Variants in ADGRB3 observed in about 807,000 individuals in gnomAD.
The protein encoded by ADGRB3 is brain-specific angiogenesis inhibitor 3.
ADGRB3 carries 37 observed loss-of-function variants against 193.4 expected under a neutral mutation model. The observed-to-expected ratio is 0.19, with a 90% confidence interval of 0.15 to 0.25. The LOEUF (loss-of-function observed/expected upper bound fraction) is 0.25. ADGRB3 is among the 10% of genes least tolerant of loss of function. The probability of loss-of-function intolerance (pLI) is 1.00; values close to 1 mark genes in which losing one functional copy is unlikely to be tolerated. For missense variants in ADGRB3, 1,637 were observed against 1,852.9 expected (o/e 0.88, Z 2.14); for synonymous variants, 690 against 644.2 (o/e 1.07, Z -1.08).
At chr6:69,317,256 G>A (rs777192770) in intron 20 of ADGRB3, among the ~76,000 whole-genome samples, 5 of 151,456 alleles carry the variant, frequency 3.3e-5, no homozygotes, top group Non-Finnish European at 7.4e-5. Context: ...CAGTATATGA[G>A]AGTTTTTTCC....
chr6:68,820,652 G>A (rs949382315), intron 3 of ADGRB3, among the ~76,000 whole-genome samples: 4 of 151,618 alleles, frequency 2.6e-5, no homozygotes, highest in Non-Finnish European at 4.4e-5. Context: ...TCCCTCCACC[G>A]TCCTTCCCAG....
intron 3 of ADGRB3, among the ~76,000 whole-genome samples, chr6:68,819,293 T>C (rs890960307): frequency 2.0e-5 from 3 of 151,976 alleles, no homozygotes; most frequent in Non-Finnish European, 4.4e-5. Context: ...CCATTTCTCA[T>C]CGCTCTCCTC....
At chr6:68,983,093 C>T (rs1304357733) in intron 10 of ADGRB3, among the ~76,000 whole-genome samples, 1 of 152,020 alleles carries the variant, frequency 6.6e-6, no homozygotes, top group African/African-American at 2.4e-5. Flanking sequence ...GACATTATCC[C>T]AAACCAGTAA....
chr6:69,277,296 T>A (rs1411600927), intron 20 of ADGRB3, among the ~76,000 whole-genome samples: 4 of 152,156 alleles, frequency 2.6e-5, no homozygotes, highest in East Asian at 3.9e-4. Flanking sequence ...CCTGGCCCAC[T>A]CTAGTCTTTC....
At chr6:69,074,249 T>A (rs1014053104) in intron 16 of ADGRB3, among the ~76,000 whole-genome samples, 3 of 152,186 alleles carry the variant, frequency 2.0e-5, no homozygotes, top group Non-Finnish European at 4.4e-5. Flanking sequence ...ATGTACCAAT[T>A]AAAATGAATA....
At chr6:69,025,579 C>T (rs933558743) in intron 13 of ADGRB3, among the ~76,000 whole-genome samples, 1 of 149,624 alleles carries the variant, frequency 6.7e-6, no homozygotes, top group East Asian at 2.0e-4. Context: ...GTTCAGTCAG[C>T]TAGATTTGAG....
chr6:68,686,512 T>A (rs185001952), intron 3 of ADGRB3, among the ~76,000 whole-genome samples: 1 of 152,304 alleles, frequency 6.6e-6, no homozygotes, highest in African/African-American at 2.4e-5. Flanking sequence ...AGCTTCAGGA[T>A]CCTGATCCTA....
At chr6:69,033,288 T>C (rs896556866) in intron 13 of ADGRB3, among the ~76,000 whole-genome samples, 9 of 152,202 alleles carry the variant, frequency 5.9e-5, no homozygotes, top group African/African-American at 1.9e-4. Flanking sequence ...TATTTGTCAT[T>C]AGTCAGATCC....
chr6:69,111,521 T>G (rs1000442956), intron 17 of ADGRB3, among the ~76,000 whole-genome samples: 1 of 152,202 alleles, frequency 6.6e-6, no homozygotes, highest in Non-Finnish European at 1.5e-5. Flanking sequence ...TACGGAAGCC[T>G]CATAGAGAAA....
intron 10 of ADGRB3, among the ~76,000 whole-genome samples, chr6:68,993,539 G>A (rs1769297715): frequency 6.6e-6 from 1 of 152,060 alleles, no homozygotes; most frequent in Admixed American, 6.6e-5. Flanking sequence ...ACTAGAAATG[G>A]CAAGTTTGTC....
chr6:68,848,043 T>C (rs574386603), intron 3 of ADGRB3, among the ~76,000 whole-genome samples: 143 of 151,278 alleles, frequency 9.5e-4, no homozygotes, highest in Non-Finnish European at 1.4e-3. Context: ...AAATCTAAGA[T>C]TTAAACTAAG....
chr6:68,978,552 T>C (rs1768817279), intron 10 of ADGRB3, among the ~76,000 whole-genome samples: 2 of 151,536 alleles, frequency 1.3e-5, no homozygotes, highest in Admixed American at 6.6e-5. Context: ...ATAATGCTTA[T>C]GTCACACATC....
In ADGRB3 at chr6:68,956,754, G is replaced by T; in HGVS notation, c.1470G>T (p.Gln490His). The T allele has an allele frequency of 6.2e-7, 1 of 1,614,032 alleles. No individual in the cohort carries two copies. Among genetic ancestry groups the T allele is most frequent in the South Asian group, 1.1e-5 (1 of 91,080 alleles). The stretch of plus-strand genomic sequence containing the variant: ...GTCAGGGTGCAGTGATAACAGGGCA[G>T]CAATGTGAAGGAACGGGCGAAGAAG... Reference protein sequence around the residue: ...RTCQGAVITGQQCEGTGEEVR... With the variant: ...RTCQGAVITGHQCEGTGEEVR... The change falls in exon 8 of 32, where the codon CAG becomes CAT. Residue 490 changes from glutamine to histidine, a missense_variant. By Grantham distance (24) the Gln-to-His change is conservative (BLOSUM62 0). Transcript: ENST00000370598.
intron 3 of ADGRB3, among the ~76,000 whole-genome samples, chr6:68,730,330 T>C (rs904888617): frequency 6.6e-6 from 1 of 151,450 alleles, no homozygotes. Flanking sequence ...GAATAACACT[T>C]TATGTATGTA....
chr6:69,010,246 A>G (rs1192260046), intron 11 of ADGRB3, among the ~76,000 whole-genome samples: 1 of 152,076 alleles, frequency 6.6e-6, no homozygotes, highest in African/African-American at 2.4e-5. Flanking sequence ...CTCTCCCACC[A>G]GAGCACATTC....
intron 3 of ADGRB3, among the ~76,000 whole-genome samples, chr6:68,810,848 G>T (rs1275057369): frequency 6.6e-6 from 1 of 152,002 alleles, no homozygotes; most frequent in African/African-American, 2.4e-5. Flanking sequence ...AAAACACAAG[G>T]CAATGGACAC....
chr6:69,104,142 T>C (rs1773143848), intron 17 of ADGRB3, among the ~76,000 whole-genome samples: 1 of 151,080 alleles, frequency 6.6e-6, no homozygotes. Context: ...CCCACTAACT[T>C]GTCATCTAGC....
intron 13 of ADGRB3, among the ~76,000 whole-genome samples, chr6:69,023,891 G>C (rs1474489393): frequency 6.6e-6 from 1 of 152,066 alleles, no homozygotes; most frequent in Non-Finnish European, 1.5e-5. Flanking sequence ...ACTGACTGGG[G>C]TGTGAGAGAT....
At chr6:68,702,075 A>G (rs1231193395) in intron 3 of ADGRB3, among the ~76,000 whole-genome samples, 2 of 152,128 alleles carry the variant, frequency 1.3e-5, no homozygotes, top group Admixed American at 6.6e-5. Context: ...AAGAGGAGTA[A>G]GTGACTCTTG....
Sources: allele counts gnomAD v4.1 joint callset (sites outside exome capture counted in the v4.1 genomes callset), GRCh38; gene constraint gnomAD v4.1.1; transcripts MANE v1.5; gene names NCBI Gene and HGNC (gene_info 2026-07-23, HGNC 2026-07-21).